Variants in BBS5 observed in about 807,000 individuals in gnomAD.
BBS5 encodes BBSome complex member BBS5.
BBS5 carries 39 observed loss-of-function variants against 50.2 expected under a neutral mutation model. The observed-to-expected ratio is 0.78, with a 90% confidence interval of 0.60 to 1.01. BBS5 has a LOEUF of 1.01. Ranked by LOEUF, BBS5 falls within the 50% of genes least tolerant of loss-of-function variation. The pLI is 0.00. For synonymous variants in BBS5, 134 were observed against 133.1 expected, an observed-to-expected ratio of 1.01 and a Z score of -0.05; for missense variants, 356 against 401.5, an observed-to-expected ratio of 0.89 and a Z score of 0.97.
chr2:169,487,141 A>G lies in BBS5; in HGVS notation c.208+7A>G. The G allele has an allele frequency of 6.2e-7, 1 of 1,600,110 alleles. No homozygotes were observed. Among genetic ancestry groups the G allele is most frequent in the Non-Finnish European group, 8.6e-7 (1 of 1,167,828 alleles). On this transcript the variant is annotated splice_region_variant and intron_variant, in intron 3 of 11. Transcript: ENST00000295240. ...TTATCAAGAGTCAATGTTTGTAAGT[A>G]TCTTTGTTAGATAAGTCTGAAGAAA...
intron 9 of BBS5, among the ~76,000 whole-genome samples, 178 bp downstream of exon 9, chr2:169,499,798 C>T (rs1683765312): frequency 6.6e-6 from 1 of 152,214 alleles, no homozygotes; most frequent in Admixed American, 6.5e-5. Flanking sequence ...TACCACCTGT[C>T]TTCTAAGTGG....
At chr2:169,480,622 C>G (rs1433471457) in intron 1 of BBS5, among the ~76,000 whole-genome samples, 2 of 147,556 alleles carry the variant, frequency 1.4e-5, no homozygotes, top group Non-Finnish European at 3.0e-5. Context: ...CGTAAAATTA[C>G]GGACTGTAGT....
intron 5 of BBS5, among the ~76,000 whole-genome samples, chr2:169,491,377 T>C (rs1027621076): frequency 6.6e-6 from 1 of 152,126 alleles, no homozygotes; most frequent in East Asian, 1.9e-4. Flanking sequence ...CTAAAGAAAA[T>C]TAACATTTAC....
intron 2 of BBS5, among the ~76,000 whole-genome samples, chr2:169,486,240 T>C (rs546198994): frequency 1.3e-5 from 2 of 152,368 alleles, no homozygotes; most frequent in Admixed American, 1.3e-4. Context: ...TGGCTGGCTA[T>C]AGATTACTCA....
intron 1 of BBS5, 142 bp downstream of exon 1, chr2:169,479,754 C>G (rs988469181): frequency 6.4e-6 from 6 of 936,914 alleles, no homozygotes; most frequent in African/African-American, 1.6e-5. Context: ...GTCCGCGCCT[C>G]GAGAGACCTC....
At chr2:169,484,094 A>C (rs1200086381) in intron 2 of BBS5, among the ~76,000 whole-genome samples, 1 of 152,222 alleles carries the variant, frequency 6.6e-6, no homozygotes, top group Non-Finnish European at 1.5e-5. Context: ...TACTATTAAT[A>C]AAAATAGGCC....
At chr2:169,497,546 G>T in intron 7 of BBS5, 81 bp from the exon 8 acceptor site, 1 of 868,574 alleles carries the variant, frequency 1.2e-6, no homozygotes, top group Admixed American at 1.8e-5. Context: ...TAAATACTGT[G>T]TAAAGTTTAA....
At position 169,499,470 on chromosome 2, in the gene BBS5, AT is replaced by A. The variant is rs763727054; in HGVS notation, c.682-10del. On this transcript the variant is annotated splice_polypyrimidine_tract_variant and intron_variant, in intron 8 of 11. Transcript: ENST00000295240. ...CAGACTTGTTGGGTTTTTTTTTATT[AT>A]TTTTTCTCTTGTAGAGTGGTGGATA... 3.7e-6 allele frequency: 6 copies of A among 1,607,676 alleles called. No homozygotes were observed. The highest frequency in any genetic ancestry group is 5.1e-6 in the Non-Finnish European group (6 of 1,176,998).
chr2:169,485,104 C>G (rs1469492053), intron 2 of BBS5, among the ~76,000 whole-genome samples: 1 of 152,016 alleles, frequency 6.6e-6, no homozygotes, highest in Non-Finnish European at 1.5e-5. Context: ...CTGGGACCGA[C>G]AGAAAAATAT....
At chr2:169,499,915 A>C (rs1270297908) in intron 9 of BBS5, among the ~76,000 whole-genome samples, 1 of 151,944 alleles carries the variant, frequency 6.6e-6, no homozygotes, top group African/African-American at 2.4e-5. Context: ...TGAGTCTCTC[A>C]CTCTGTCAGA....
At chr2:169,501,013 G>A (rs905753889) in intron 9 of BBS5, among the ~76,000 whole-genome samples, 5 of 152,054 alleles carry the variant, frequency 3.3e-5, no homozygotes, top group African/African-American at 1.2e-4. Context: ...TCATATAGTT[G>A]AGCATCCCAA....
intron 1 of BBS5, among the ~76,000 whole-genome samples, chr2:169,480,109 G>A (rs1683363313): frequency 6.6e-6 from 1 of 152,104 alleles, no homozygotes; most frequent in Non-Finnish European, 1.5e-5. Context: ...AGGGAGGTGG[G>A]AGTAAGGCAG....
rs1224065107 is a variant in BBS5 at position 169,492,896 on chromosome 2, T to C, written c.409T>C (p.Tyr137His). ...VHRAYETSKMYRDFKLRSALI... is the reference protein window; with the variant it reads ...VHRAYETSKMHRDFKLRSALI... The stretch of plus-strand genomic sequence containing the variant: ...TAGAGCTTATGAAACTTCTAAAATG[T>C]ATCGTGATTTTAAATTAAGAAGTGC... Residue 137 changes from tyrosine to histidine, a missense_variant, in exon 6 of 12, where the codon TAT becomes CAT. Tyr to His is a moderately conservative substitution (Grantham distance 83). Transcript: ENST00000295240. The C allele has an allele frequency of 1.2e-6, 2 of 1,612,414 alleles. No individual in the cohort carries two copies. The highest frequency in any genetic ancestry group is 2.2e-5 in the East Asian group (1 of 44,768).
rs1395749164 is a variant in BBS5, at chr2:169,482,283, T to C, written c.92T>C (p.Ile31Thr). The C allele has an allele frequency of 6.8e-6, 11 of 1,610,304 alleles. No homozygotes were observed. Among genetic ancestry groups the C allele is most frequent in the South Asian group, 1.1e-5 (1 of 91,014 alleles). ...QMKTRPGEVL[I>T]DCLDSIEDTK... Reference sequence around the variant, plus strand: ...AAAACAAGACCTGGAGAAGTCCTTATTGATTGTTTAGATTCCATTGAAGAC... The same window carrying C: ...AAAACAAGACCTGGAGAAGTCCTTACTGATTGTTTAGATTCCATTGAAGAC... Residue 31 changes from isoleucine to threonine, a missense_variant, in exon 2 of 12, where the codon ATT (isoleucine) becomes ACT (threonine). Transcript: ENST00000295240.
chr2:169,499,505 G>A lies in BBS5; in HGVS notation c.701G>A (p.Gly234Asp). ...TTGTAGAGTGGTGGATATGTTCTTG[G>A]CTTTAAAATAGATCCTGTGGAAAAA... ...SSQQSGGYVL[G>D]FKIDPVEKLQ... The change falls in exon 9 of 12, where the codon GGC becomes GAC. Residue 234 changes from glycine (G) to aspartate (D), a missense_variant. Coordinates refer to ENST00000295240, the MANE Select transcript of BBS5 (RefSeq NM_152384.3). 1 of 1,613,252 alleles carries A rather than the reference G, an allele frequency of 6.2e-7. No individual in the cohort carries two copies. Among genetic ancestry groups the A allele is most frequent in the Non-Finnish European group, 8.5e-7 (1 of 1,179,548 alleles).
intron 2 of BBS5, among the ~76,000 whole-genome samples, chr2:169,485,840 C>T (rs1683479380): frequency 6.6e-6 from 1 of 152,212 alleles, no homozygotes; most frequent in East Asian, 1.9e-4. Flanking sequence ...GCCCTGGTTC[C>T]TTCCCAGTGA....
chr2:169,494,704 C>G (rs555302551), intron 7 of BBS5, among the ~76,000 whole-genome samples: 1 of 152,252 alleles, frequency 6.6e-6, no homozygotes, highest in South Asian at 2.1e-4. Flanking sequence ...AACTTCAATA[C>G]ACTAAATAAT....
At chr2:169,488,160 A>G (rs1186690177) in intron 5 of BBS5, 46 bp downstream of exon 5, 3 of 1,594,770 alleles carry the variant, frequency 1.9e-6, no homozygotes, top group South Asian at 1.1e-5. Flanking sequence ...TGTTTACTCT[A>G]TGGTTTTAGA....
intron 7 of BBS5, 88 bp from the exon 8 acceptor site, chr2:169,497,539 A>T (rs1352802019): frequency 7.4e-6 from 6 of 814,430 alleles, no homozygotes; most frequent in Non-Finnish European, 1.3e-5. Context: ...TGAAAAGTAA[A>T]TACTGTGTAA....
Sources: gnomAD v4.1 joint callset for allele counts (sites outside exome capture counted in the v4.1 genomes callset) on GRCh38, gnomAD v4.1.1 for gene constraint, MANE v1.5 for transcripts, NCBI Gene and HGNC (gene_info 2026-07-23, HGNC 2026-07-21) for gene names.